Variants in NRXN2 observed in about 807,000 individuals in gnomAD.
NRXN2 encodes neurexin-2-beta.
A neutral mutation model predicts 128.8 loss-of-function variants in NRXN2; 29 were observed. The observed-to-expected ratio is 0.23, with a 90% CI of 0.17 to 0.31. The LOEUF is 0.31. Ranked by LOEUF, NRXN2 falls within the 10% of genes least tolerant of loss-of-function variation. The pLI is 1.00. For missense variants in NRXN2, 1,881 were observed against 2,452.6 expected (o/e 0.77, Z 4.92); for synonymous variants, 1,098 against 1,075.2 (o/e 1.02, Z -0.41).
At position 64,607,781 on chromosome 11, in the gene NRXN2, G is replaced by T; in HGVS notation, c.4554C>A (p.Pro1518=). The T allele has an allele frequency of 6.3e-7, 1 of 1,596,192 alleles. No individual in the cohort carries two copies. Among genetic ancestry groups the T allele is most frequent in the East Asian group, 2.3e-5 (1 of 43,682 alleles). Residue 1518 remains proline, a synonymous_variant, in exon 23 of 23, where the codon CCC becomes CCA. Transcript: ENST00000265459. ...GGAGGGTGGTGCGGTCCGTGACCAG[G>T]GGAAAGGTGGTGTAAAAGTCCTCGT... is the stretch of plus-strand genomic sequence containing the variant. ...TDDEDFYTTF[P]LVTDRTTLLS... is the part of the protein sequence containing the mutation.
At chr11:64,695,206 C>A (rs2054336788) in intron 3 of NRXN2, among the ~76,000 whole-genome samples, 1 of 152,184 alleles carries the variant, frequency 6.6e-6, no homozygotes, top group Non-Finnish European at 1.5e-5. Flanking sequence ...TATTCACTTC[C>A]CCACATCCAC....
rs2039770008 is a variant in NRXN2, at chr11:64,607,267, C to T, written c.5068G>A (p.Glu1690Lys). 1.2e-6 allele frequency: 2 copies of T among 1,613,808 alleles called. No individual in the cohort carries two copies. Among genetic ancestry groups the T allele is most frequent in the African/African-American group, 1.3e-5 (1 of 74,876 alleles). The change falls in exon 23 of 23, where the codon GAG becomes AAG. Residue 1690 changes from glutamate to lysine, a missense_variant. This residue lies in a region of NRXN2 where 63 missense variants were observed against 76.0 expected (regional missense o/e 0.83). Coordinates refer to ENST00000265459, the MANE Select transcript of NRXN2 (RefSeq NM_015080.4). The part of the protein sequence containing the change: ...SAQSNGAVVK[E>K]KAPAAPKTPS... ...GTCTTGGGGGCAGCCGGGGCCTTCTCTTTCACCACCGCCCCATTGCTCTGG... is the reference window on the plus strand; with the variant it reads ...GTCTTGGGGGCAGCCGGGGCCTTCTTTTTCACCACCGCCCCATTGCTCTGG...
intron 7 of NRXN2, among the ~76,000 whole-genome samples, chr11:64,672,467 T>A (rs2050760024): frequency 6.6e-6 from 1 of 152,178 alleles, no homozygotes; most frequent in Admixed American, 6.5e-5. Flanking sequence ...GGGGACTTAA[T>A]CTGGGGAGAA....
At position 64,690,475 on chromosome 11, in the gene NRXN2, T is replaced by C. The variant is rs781019645; in HGVS notation, c.780A>G (p.Val260=). Residue 260 remains valine (V), a splice_region_variant and synonymous_variant, in exon 5 of 23, where the codon GTA becomes GTG. Coordinates refer to ENST00000265459, the MANE Select transcript of NRXN2 (RefSeq NM_015080.4). The part of the protein sequence containing the change: ...GPAHLTLNSE[V]GSLLFSEGGA... Reference sequence around the variant, plus strand: ...CCCCCTCGGAGAACAGTAAGGACCCTACTGGAGAAGCAGAATTGGGGAGTC... The same window carrying C: ...CCCCCTCGGAGAACAGTAAGGACCCCACTGGAGAAGCAGAATTGGGGAGTC... 6.2e-7 allele frequency: 1 copy of C among 1,613,140 alleles called. No individual in the cohort carries two copies. The highest frequency in any genetic ancestry group is 8.5e-7 in the Non-Finnish European group (1 of 1,179,764).
At position 64,607,908 on chromosome 11, in the gene NRXN2, G is replaced by C. The variant is rs1360873552; in HGVS notation, c.4427C>G (p.Pro1476Arg). 1.3e-6 allele frequency: 2 copies of C among 1,565,128 alleles called. No homozygotes were observed. Among genetic ancestry groups the C allele is most frequent in the Non-Finnish European group, 1.7e-6 (2 of 1,156,016 alleles). Residue 1476 changes from proline to arginine, a missense_variant, in exon 23 of 23, where the codon CCG becomes CGG. This residue lies in a region of NRXN2 where 310 missense variants were observed against 318.2 expected (regional missense o/e 0.97). Coordinates refer to ENST00000265459, the MANE Select transcript of NRXN2 (RefSeq NM_015080.4). ...PAARRPPSGG[P>R]CQAERDDSDC... ...GCTGTCGTCCCGCTCGGCCTGGCAC[G>C]GGCCCCCAGAGGGCGGGCGGCGCGC...
chr11:64,653,781 T>G (rs931716746), intron 11 of NRXN2, 59 bp from the exon 12 acceptor site: 10 of 1,321,376 alleles, frequency 7.6e-6, no homozygotes, highest in African/African-American at 2.9e-5. Flanking sequence ...AAACAAGTTT[T>G]TTTTTTTTTT....
rs1442699289 is a variant in NRXN2, at chr11:64,714,115, C to G, written c.-244-172G>C. ...GTCCCGAGGCAAGAGACGCGGATTC[C>G]GGGGGCCAGCACTTAGGAGAGATGG... On this transcript the variant is annotated intron_variant, in intron 1 of 22. Transcript: ENST00000265459. This position sits in a 1 kb window ranked among gnomAD's most constrained non-coding sequence, Gnocchi z 4.5. Among the ~76,000 whole-genome samples the G allele has an allele frequency of 1.3e-5, 2 of 152,262 alleles. No homozygotes were observed. Among genetic ancestry groups the G allele is most frequent in the African/African-American group, 4.8e-5 (2 of 41,562 alleles).
chr11:64,642,763 C>G, intron 17 of NRXN2: 1 of 1,212,862 alleles, frequency 8.2e-7, no homozygotes, highest in East Asian at 3.3e-5. Context: ...GGCCGGGGGG[C>G]GGCGCGGGCA....
chr11:64,691,593 G>C (rs921286010), intron 4 of NRXN2, among the ~76,000 whole-genome samples: 10 of 152,138 alleles, frequency 6.6e-5, no homozygotes, highest in Non-Finnish European at 1.3e-4. Context: ...TTTCCAGGGG[G>C]GCTTTCTGAG....
chr11:64,652,066 C>T lies in NRXN2; in HGVS notation c.2505G>A (p.Leu835=). ...TVRVVRRGKS[L]QLSVDNVTVE... Reference sequence around the variant, plus strand: ...CAGTCACGTTGTCCACAGACAGCTGCAGGCTCTTGCCACGCCGGACCACCC... The same window carrying T: ...CAGTCACGTTGTCCACAGACAGCTGTAGGCTCTTGCCACGCCGGACCACCC... The change falls in exon 13 of 23, where the codon CTG becomes CTA. Residue 835 remains leucine (L), a synonymous_variant. Coordinates refer to ENST00000265459, the MANE Select transcript of NRXN2 (RefSeq NM_015080.4). The T allele has an allele frequency of 6.2e-7, 1 of 1,613,338 alleles. No individual in the cohort carries two copies. Among genetic ancestry groups the T allele is most frequent in the Non-Finnish European group, 8.5e-7 (1 of 1,180,002 alleles).
At chr11:64,646,971 G>A (rs1565283896) in intron 17 of NRXN2, among the ~76,000 whole-genome samples, 1 of 152,136 alleles carries the variant, frequency 6.6e-6, no homozygotes, top group Non-Finnish European at 1.5e-5. Flanking sequence ...GGGAGATGGG[G>A]TAGACATTTT....
At chr11:64,609,592 C>CAA (rs1347048328) in intron 22 of NRXN2, among the ~76,000 whole-genome samples, 4 of 152,192 alleles carry the variant, frequency 2.6e-5, no homozygotes, top group African/African-American at 9.6e-5. Context: ...AACACAATTC[C>CAA]CATCAGCCAC....
In NRXN2 at chr11:64,661,453, C is replaced by A; in HGVS notation, c.1799-314G>T. 2.4e-6 allele frequency: 3 copies of A among 1,240,704 alleles called. No individual in the cohort carries two copies. In the South Asian group the frequency reaches 5.5e-5, roughly 23 times the overall value. The allele number at this position is 1,240,704 out of a possible 1,614,324, so 76.9% of individuals were successfully genotyped here. ...GAGGATAGGCAGGAAGTGGGCATGC[C>A]GAAATCTTGAGCTCGGAAAGGGTTG... On this transcript the variant is annotated intron_variant, in intron 9 of 22. Coordinates refer to ENST00000265459, the MANE Select transcript of NRXN2 (RefSeq NM_015080.4).
At chr11:64,619,309 G>C (rs1002487612) in intron 22 of NRXN2, among the ~76,000 whole-genome samples, 1 of 151,806 alleles carries the variant, frequency 6.6e-6, no homozygotes, top group Non-Finnish European at 1.5e-5. Context: ...TCCTCCACTG[G>C]GAAATCTGGC....
Position 64,623,086 on chromosome 11 carries a change from G to A in NRXN2, c.3848-8C>T. ...AGATGGTCAGCTGGCGGCCTTGCAG[G>A]AGTGGAAGGGGGTGACAGAGAAGGG... On this transcript the variant is annotated splice_polypyrimidine_tract_variant and splice_region_variant and intron_variant, in intron 20 of 22. Coordinates refer to ENST00000265459, the MANE Select transcript of NRXN2 (RefSeq NM_015080.4). This position sits in a 1 kb window ranked among gnomAD's most constrained non-coding sequence, Gnocchi z 4.9. 6.3e-7 allele frequency: 1 copy of A among 1,593,202 alleles called. No homozygotes were observed. The highest frequency in any genetic ancestry group is 8.6e-7 in the Non-Finnish European group (1 of 1,168,976).
chr11:64,678,064 G>A (rs114926480), intron 6 of NRXN2, among the ~76,000 whole-genome samples: 4 of 152,304 alleles, frequency 2.6e-5, no homozygotes, highest in African/African-American at 9.6e-5. Context: ...AATCGATCCA[G>A]GGAGTCACTG....
At chr11:64,708,967 G>A (rs528963042) in intron 2 of NRXN2, among the ~76,000 whole-genome samples, 6 of 152,168 alleles carry the variant, frequency 3.9e-5, no homozygotes, top group African/African-American at 1.4e-4. Context: ...CAATGCGGGC[G>A]GATCACTTGA....
chr11:64,692,259 C>T (rs1042521628), intron 4 of NRXN2, among the ~76,000 whole-genome samples: 2 of 151,930 alleles, frequency 1.3e-5, no homozygotes, highest in African/African-American at 2.4e-5. Flanking sequence ...TGAAGGCGTG[C>T]GGGTGGGCAG....
In NRXN2 at chr11:64,651,241, C is replaced by A. The variant is rs2047425473; in HGVS notation, c.2918+14G>T. On this transcript the variant is annotated intron_variant, in intron 14 of 22. Coordinates refer to ENST00000265459, the MANE Select transcript of NRXN2 (RefSeq NM_015080.4). This position sits in a 1 kb window ranked among gnomAD's most constrained non-coding sequence, Gnocchi z 5.9. ...GCCACCTCCTTGACAGCAGTGCAAT[C>A]CCCAGCCCCTCACCCCTTGACCAGC... is the stretch of plus-strand genomic sequence containing the variant. 1.2e-6 allele frequency: 2 copies of A among 1,613,716 alleles called. No homozygotes were observed. Among genetic ancestry groups the A allele is most frequent in the Non-Finnish European group, 1.7e-6 (2 of 1,180,018 alleles).
Sources: gnomAD v4.1 joint callset for allele counts (sites outside exome capture counted in the v4.1 genomes callset) on GRCh38, gnomAD v4.1.1 for gene constraint, gnomAD v4.1.1 regional missense constraint, Gnocchi (gnomAD v3.1) non-coding constraint, MANE v1.5 for transcripts, NCBI Gene and HGNC (gene_info 2026-07-23, HGNC 2026-07-21) for gene names.